The following NDRG1 variants were observed in gnomAD, a reference collection of about 807,000 sequenced individuals.
NDRG1 encodes the protein protein NDRG1.
NDRG1 carries 32 observed loss-of-function variants against 56.9 expected under a neutral mutation model. The ratio of observed to expected loss-of-function variants is 0.56; its 90% CI spans 0.42 to 0.76. The LOEUF is 0.76. NDRG1 is among the 30% of genes least tolerant of loss of function. NDRG1 has a pLI of 0.00. For synonymous variants in NDRG1, 211 were observed against 204.1 expected, an observed-to-expected ratio of 1.03 and a Z score of -0.29; for missense variants, 507 against 545.7, an observed-to-expected ratio of 0.93 and a Z score of 0.71.
intron 3 of NDRG1, among the ~76,000 whole-genome samples, chr8:133,271,635 C>A (rs1482969507): frequency 1.3e-5 from 2 of 151,858 alleles, no homozygotes; most frequent in Non-Finnish European, 2.9e-5. Flanking sequence ...ATAAAATTAG[C>A]CAGGCATGGT....
At chr8:133,289,946 T>G (rs916719361) in intron 1 of NDRG1, among the ~76,000 whole-genome samples, 2 of 152,138 alleles carry the variant, frequency 1.3e-5, no homozygotes, top group Non-Finnish European at 2.9e-5. Flanking sequence ...TCTATGGAGA[T>G]CACGCTGTCC....
chr8:133,256,175 C>G (rs145102807), intron 8 of NDRG1: 1 of 155,196 alleles, frequency 6.4e-6, no homozygotes, highest in African/African-American at 2.4e-5. Context: ...CACACCGAGT[C>G]CTTACCTCTG....
intron 3 of NDRG1, among the ~76,000 whole-genome samples, chr8:133,271,114 G>A (rs541056676): frequency 2.0e-5 from 3 of 152,290 alleles, no homozygotes; most frequent in East Asian, 1.9e-4. Flanking sequence ...CTGTCTCCCC[G>A]CTGCCCCTGG....
chr8:133,255,510 C>A (rs1453767148), intron 8 of NDRG1: 1 of 392,078 alleles, frequency 2.6e-6, no homozygotes, highest in Non-Finnish European at 5.2e-6. Context: ...GGTCGACATC[C>A]CCAGACCTTC....
intron 13 of NDRG1, among the ~76,000 whole-genome samples, 159 bp downstream of exon 13, chr8:133,246,457 C>G (rs1490065299): frequency 6.6e-6 from 1 of 152,220 alleles, no homozygotes; most frequent in African/African-American, 2.4e-5. Context: ...GATCACCAGT[C>G]AGCACCCAAT....
chr8:133,276,055 C>T (rs1339133966), intron 3 of NDRG1, among the ~76,000 whole-genome samples: 5 of 152,200 alleles, frequency 3.3e-5, no homozygotes, highest in Admixed American at 1.3e-4. Flanking sequence ...GAAAATGCTC[C>T]GACCTCATAG....
At chr8:133,250,663 A>C (rs945528542) in intron 9 of NDRG1, 120 bp from the exon 10 acceptor site, 5 of 880,836 alleles carry the variant, frequency 5.7e-6, no homozygotes, top group Admixed American at 3.9e-5. Context: ...CTAATCCACA[A>C]GACAGCGACG....
rs201985387 is a variant in NDRG1 at position 133,264,626 on chromosome 8, G to T, written c.126C>A (p.Gly42=). 1 of 1,614,100 alleles carries T rather than the reference G, an allele frequency of 6.2e-7. No individual in the cohort carries two copies. Among genetic ancestry groups the T allele is most frequent in the Non-Finnish European group, 8.5e-7 (1 of 1,180,042 alleles). ...VQEQDIETLH[G]SVHVTLCGTP... The stretch of plus-strand genomic sequence containing the variant: ...TCCCACACAGCGTGACGTGAACAGA[G>T]CCATGTAAAGTCTCGATGTCCTGCT... Residue 42 remains glycine, a synonymous_variant, in exon 4 of 16, where the codon GGC becomes GGA. Coordinates refer to ENST00000323851, the MANE Select transcript of NDRG1 (RefSeq NM_006096.4).
chr8:133,289,324 A>G (rs530971162), intron 1 of NDRG1, among the ~76,000 whole-genome samples: 1 of 152,194 alleles, frequency 6.6e-6, no homozygotes, highest in Non-Finnish European at 1.5e-5. Context: ...AGAATTAAGC[A>G]AACAGTTGCT....
In NDRG1 at chr8:133,255,458, T is replaced by C. The variant is rs896067113; in HGVS notation, c.538-863A>G. On this transcript the variant is annotated intron_variant, in intron 8 of 15. Transcript: ENST00000323851. The stretch of plus-strand genomic sequence containing the variant: ...ATTAAAGCTGTACTGAAGGGAATAG[T>C]ACAGCTATTAAAGACAATCCTCAGG... 9 of 448,692 alleles carry C rather than the reference T, an allele frequency of 2.0e-5. 1 individual carries two copies. In the Middle Eastern group the frequency reaches 9.8e-4, roughly 49 times the overall value. 27.8% of individuals were successfully genotyped at this position (448,692 alleles called of 1,614,324 possible).
chr8:133,284,699 A>G, intron 1 of NDRG1: 1 of 457,874 alleles, frequency 2.2e-6, no homozygotes, highest in Non-Finnish European at 4.4e-6. Flanking sequence ...GCTGATCCCA[A>G]AGTCAGGCAG....
intron 1 of NDRG1, among the ~76,000 whole-genome samples, chr8:133,291,004 G>A (rs1156594337): frequency 6.6e-6 from 1 of 152,178 alleles, no homozygotes; most frequent in Non-Finnish European, 1.5e-5. Flanking sequence ...TCCCTACTGA[G>A]GGAAAGGTGA....
chr8:133,252,715 C>T (rs1856132689), intron 9 of NDRG1, among the ~76,000 whole-genome samples: 1 of 151,644 alleles, frequency 6.6e-6, no homozygotes, highest in African/African-American at 2.4e-5. Flanking sequence ...CCTCTATTCC[C>T]CTCGTACACT....
chr8:133,263,032 A>AGG (rs1856736150), intron 4 of NDRG1, among the ~76,000 whole-genome samples: 1 of 152,222 alleles, frequency 6.6e-6, no homozygotes, highest in African/African-American at 2.4e-5. Flanking sequence ...TAAGCCACAG[A>AGG]GGGCTTGGCA....
At chr8:133,252,785 G>C (rs1451384525) in intron 9 of NDRG1, among the ~76,000 whole-genome samples, 7 of 111,174 alleles carry the variant, frequency 6.3e-5, no homozygotes, top group South Asian at 2.7e-4. Context: ...CAGAGTGGAG[G>C]CTCTATTCCC....
In NDRG1 at chr8:133,256,786, G is replaced by C. The variant is rs191237702; in HGVS notation, c.528C>G (p.Ala176=). Residue 176 remains alanine (A), a synonymous_variant, in exon 8 of 16, where the codon GCC becomes GCG. Transcript: ENST00000323851. The part of the protein sequence containing the change: ...NPCAEGWMDW[A]ASKISGWTQA... ...CAGGCCCCCACCTCACCTTGGAGGC[G>C]GCCCAGTCCATCCAGCCTTCCGCAC... 4.3e-5 allele frequency: 70 copies of C among 1,613,994 alleles called. No individual in the cohort carries two copies. The highest frequency in any genetic ancestry group is 5.8e-5 in the Non-Finnish European group (68 of 1,180,030).
chr8:133,291,046 T>C (rs2130809744), intron 1 of NDRG1, among the ~76,000 whole-genome samples: 1 of 152,272 alleles, frequency 6.6e-6, no homozygotes, highest in East Asian at 1.9e-4. Flanking sequence ...GGTGCAGGTG[T>C]GGCACTCATT....
intron 12 of NDRG1, among the ~76,000 whole-genome samples, chr8:133,247,632 C>T (rs1055775514): frequency 1.3e-4 from 20 of 152,248 alleles, no homozygotes; most frequent in Non-Finnish European, 2.6e-4. Flanking sequence ...GCCGATGGGA[C>T]ACAGACTGGC....
chr8:133,296,827 A>AT (rs1364508438), intron 1 of NDRG1: 5 of 241,216 alleles, frequency 2.1e-5, no homozygotes, highest in South Asian at 7.0e-5. Flanking sequence ...CTATCCTGGT[A>AT]TTTTTTCGGA....
Sources: gnomAD v4.1 joint callset for allele counts (sites outside exome capture counted in the v4.1 genomes callset) on GRCh38, gnomAD v4.1.1 for gene constraint, MANE v1.5 for transcripts, NCBI Gene and HGNC (gene_info 2026-07-23, HGNC 2026-07-21) for gene names.